TENT4B: variants seen among roughly 807,000 people sequenced by gnomAD.
The protein encoded by TENT4B is PAP associated domain containing 5.
TENT4B carries 10 observed loss-of-function variants against 75.0 expected under a neutral mutation model. That is an observed-to-expected ratio of 0.13 (90% CI 0.08 to 0.23). The LOEUF is 0.23. Ranked by LOEUF, TENT4B falls within the 10% of genes least tolerant of loss-of-function variation. TENT4B has a pLI of 1.00. For missense variants in TENT4B, 579 were observed against 893.8 expected (o/e 0.65, Z 4.49); for synonymous variants, 350 against 357.7 (o/e 0.98, Z 0.24).
At chr16:50,170,533 G>GT (rs1255028320) in intron 1 of TENT4B, among the ~76,000 whole-genome samples, 1 of 152,186 alleles carries the variant, frequency 6.6e-6, no homozygotes, top group Non-Finnish European at 1.5e-5. Flanking sequence ...AGAAATGGCA[G>GT]TATGGCCCCT....
rs553045079 is a variant in TENT4B, at chr16:50,233,095, C to T, written c.*3767C>T. The T allele has an allele frequency of 9.4e-5, 92 of 983,556 alleles. No homozygotes were observed. The South Asian group carries it at 1.9e-3, about 21-fold the overall frequency. 60.9% of individuals were successfully genotyped at this position (983,556 alleles called of 1,614,324 possible). A position where few individuals can be genotyped will look rare whatever the true frequency, so the allele number is the denominator to read the frequency against. ...TTATGAGCAAAATATTCTATAAATG[C>T]GTCTAACAAACCTAATTGAATATAA... is the stretch of plus-strand genomic sequence containing the variant. On this transcript the variant is annotated 3_prime_UTR_variant, in exon 12 of 12. Coordinates refer to ENST00000561678, the MANE Select transcript of TENT4B (RefSeq NM_001365324.3).
At chr16:50,196,450 G>A (rs1482815676) in intron 1 of TENT4B, among the ~76,000 whole-genome samples, 12 of 151,888 alleles carry the variant, frequency 7.9e-5, no homozygotes, top group Admixed American at 1.3e-4. Flanking sequence ...TTTGTTTACC[G>A]GGAAGCCATA....
At position 50,231,697 on chromosome 16, in the gene TENT4B, GA is replaced by G; in HGVS notation, c.*2371del. ...GTATCTTTCTAAAAGAAAAAAGCATGAAGGAGAAATTGAGGTGTGTATACAT... is the reference window on the plus strand; with the variant it reads ...GTATCTTTCTAAAAGAAAAAAGCATGAGGAGAAATTGAGGTGTGTATACAT... On this transcript the variant is annotated 3_prime_UTR_variant, in exon 12 of 12. Coordinates refer to ENST00000561678, the MANE Select transcript of TENT4B (RefSeq NM_001365324.3). The G allele has an allele frequency of 1.0e-6, 1 of 985,836 alleles. No individual in the cohort carries two copies. Among genetic ancestry groups the G allele is most frequent in the Non-Finnish European group, 1.2e-6 (1 of 829,900 alleles). The allele number at this position is 985,836 out of a possible 1,614,324, so 61.1% of individuals were successfully genotyped here.
chr16:50,198,278 G>A (rs982740153), intron 1 of TENT4B, among the ~76,000 whole-genome samples: 4 of 151,782 alleles, frequency 2.6e-5, no homozygotes, highest in African/African-American at 4.8e-5. Flanking sequence ...AATTAGCCAC[G>A]TGTGGTGGTG....
In TENT4B at chr16:50,225,152, A is replaced by G; in HGVS notation, c.1667A>G (p.Asn556Ser). ...CAGCAGTTAGATAAATGTAATAATA[A>G]TCTATCTGAAGAAAATGAAGCCCTT... ...DTQQLDKCNN[N>S]LSEENEALGK... is the part of the protein sequence containing the mutation. Residue 556 changes from asparagine (N) to serine (S), a missense_variant, in exon 10 of 12, where the codon AAT becomes AGT. Physicochemically the swap from Asn to Ser is conservative, Grantham distance 46 (BLOSUM62 1). Around this residue, in one of 7 missense-constraint regions of TENT4B, gnomAD observed 164 missense variants for 226.5 expected, o/e 0.72. Coordinates refer to ENST00000561678, the MANE Select transcript of TENT4B (RefSeq NM_001365324.3). The G allele has an allele frequency of 6.2e-7, 1 of 1,613,390 alleles. No individual in the cohort carries two copies. The highest frequency in any genetic ancestry group is 8.5e-7 in the Non-Finnish European group (1 of 1,179,446).
intron 1 of TENT4B, among the ~76,000 whole-genome samples, chr16:50,174,666 C>G (rs1378423031): frequency 6.6e-6 from 1 of 151,072 alleles, no homozygotes; most frequent in Non-Finnish European, 1.5e-5. Context: ...AACATTAGAA[C>G]TTATTCTTTC....
At position 50,190,193 on chromosome 16, in the gene TENT4B, A is replaced by G. The variant is rs74860931; in HGVS notation, c.639-21130A>G. On this transcript the variant is annotated intron_variant, in intron 1 of 11. Coordinates refer to ENST00000561678, the MANE Select transcript of TENT4B (RefSeq NM_001365324.3). Reference sequence around the variant, plus strand: ...ACATTGCTAGTATTGATATTATACCATAGTATAATACTTAGTTCTTCAGCG... The same window carrying G: ...ACATTGCTAGTATTGATATTATACCGTAGTATAATACTTAGTTCTTCAGCG... 3.2e-3 allele frequency among the ~76,000 whole-genome samples: 484 copies of G among 152,104 alleles called. 15 individuals are homozygous for G. In the East Asian group the frequency reaches 0.084, roughly 26 times the overall value.
intron 10 of TENT4B, 59 bp downstream of exon 10, chr16:50,225,344 G>T: frequency 6.8e-7 from 1 of 1,468,476 alleles, no homozygotes; most frequent in Non-Finnish European, 9.2e-7. Flanking sequence ...TCTTGCTGGG[G>T]TTAACACTGT....
At chr16:50,190,812 C>T (rs2541561) in intron 1 of TENT4B, among the ~76,000 whole-genome samples, 101,744 of 151,826 alleles carry the variant, frequency 0.67, 36,053 homozygotes, top group Non-Finnish European at 0.77. Flanking sequence ...TTTGCAGAAA[C>T]TTTTCATCTC....
chr16:50,162,419 T>C (rs147123926), intron 1 of TENT4B, among the ~76,000 whole-genome samples: 1 of 152,242 alleles, frequency 6.6e-6, no homozygotes, highest in African/African-American at 2.4e-5. Context: ...TCCTCTTATA[T>C]TCCTATCAAC....
At position 50,229,880 on chromosome 16, in the gene TENT4B, A is replaced by G. The variant is rs2150754142; in HGVS notation, c.*552A>G. 2 of 915,042 alleles carry G rather than the reference A, an allele frequency of 2.2e-6. No homozygotes were observed. Among genetic ancestry groups the G allele is most frequent in the Non-Finnish European group, 2.6e-6 (2 of 765,676 alleles). 56.7% of individuals were successfully genotyped at this position (915,042 alleles called of 1,614,324 possible). On this transcript the variant is annotated 3_prime_UTR_variant, in exon 12 of 12. Coordinates refer to ENST00000561678, the MANE Select transcript of TENT4B (RefSeq NM_001365324.3). ...GATATTTGTAATAGTGGATTTGTTA[A>G]TAATACTTTTTACATAACATTACTG...
intron 1 of TENT4B, among the ~76,000 whole-genome samples, chr16:50,161,187 G>A (rs1321519473): frequency 6.6e-6 from 1 of 152,160 alleles, no homozygotes; most frequent in Non-Finnish European, 1.5e-5. Flanking sequence ...TTTTGTAAGA[G>A]ATTATATATA....
chr16:50,206,354 ATTTTTTT>A (rs35118426), intron 1 of TENT4B, among the ~76,000 whole-genome samples: 177 of 96,534 alleles, frequency 1.8e-3, no homozygotes, highest in African/African-American at 6.6e-3. Context: ...ATATGTATGT[ATTTTTTT>A]TTTTTTTTTT....
intron 5 of TENT4B, 101 bp from the exon 6 acceptor site, chr16:50,222,205 T>C: frequency 9.0e-7 from 1 of 1,111,702 alleles, no homozygotes; most frequent in Non-Finnish European, 1.3e-6. Context: ...GTTGTATATC[T>C]CTACCAAATT....
intron 1 of TENT4B, among the ~76,000 whole-genome samples, chr16:50,198,117 A>AT (rs1287999215): frequency 1.6e-4 from 13 of 83,348 alleles, no homozygotes; most frequent in East Asian, 1.0e-3. Context: ...AGAAAATATA[A>AT]TTAAAAAAAA....
chr16:50,206,354 A>ATTTTTTTT (rs35118426), intron 1 of TENT4B, among the ~76,000 whole-genome samples: 3 of 96,546 alleles, frequency 3.1e-5, no homozygotes, highest in African/African-American at 3.9e-5. Flanking sequence ...ATATGTATGT[A>ATTTTTTTT]TTTTTTTTTT....
intron 6 of TENT4B, 29 bp from the exon 7 acceptor site, chr16:50,223,145 C>T: frequency 2.7e-6 from 4 of 1,500,108 alleles, no homozygotes; most frequent in Admixed American, 2.0e-5. Flanking sequence ...AGCAAAAATC[C>T]AATATAATTT....
At chr16:50,215,359 T>A (rs1291067812) in intron 3 of TENT4B, among the ~76,000 whole-genome samples, 1 of 152,236 alleles carries the variant, frequency 6.6e-6, no homozygotes, top group Non-Finnish European at 1.5e-5. Context: ...TTCTCATAGA[T>A]GCCCTTGGCC....
In TENT4B at chr16:50,224,814, G is replaced by C. The variant is rs192872883; in HGVS notation, c.1508+31G>C. ...AGTTCATCTATAACCAGCCCATTGT[G>C]TCAAAATTAGTTGTGGCTTCTTATC... On this transcript the variant is annotated intron_variant, in intron 8 of 11. Coordinates refer to ENST00000561678, the MANE Select transcript of TENT4B (RefSeq NM_001365324.3). 7.3e-4 allele frequency: 1,181 copies of C among 1,612,986 alleles called. 4 individuals are homozygous for C. The highest frequency in any genetic ancestry group is 3.3e-3 in the Admixed American group (197 of 59,908).
Sources: gnomAD v4.1 joint callset for allele counts (sites outside exome capture counted in the v4.1 genomes callset) on GRCh38, gnomAD v4.1.1 for gene constraint, gnomAD v4.1.1 regional missense constraint, MANE v1.5 for transcripts, NCBI Gene and HGNC (gene_info 2026-07-23, HGNC 2026-07-21) for gene names.